Variants in ZNF709 observed in about 807,000 individuals in gnomAD.
ZNF709 encodes the protein zinc finger protein 709.
A neutral mutation model predicts 10.6 loss-of-function variants in ZNF709; 15 were observed. The observed-to-expected ratio is 1.41, with a 90% confidence interval of 0.95 to 2.18. ZNF709 has a LOEUF of 2.18. Among genes scored for constraint, ZNF709 ranks in the 30% most tolerant of loss-of-function variants. The probability of loss-of-function intolerance (pLI) is 0.00; values close to 1 mark genes in which losing one functional copy is unlikely to be tolerated. For synonymous variants in ZNF709, 194 were observed against 238.8 expected (o/e 0.81, Z 1.73); for missense variants, 589 against 774.0 (o/e 0.76, Z 2.84).
intron 1 of ZNF709, among the ~76,000 whole-genome samples, chr19:12,472,876 C>G (rs1970645390): frequency 6.6e-6 from 1 of 151,226 alleles, no homozygotes; most frequent in African/African-American, 2.4e-5. Flanking sequence ...GAGTGAGACT[C>G]TGTCTCAAAA....
intron 1 of ZNF709, among the ~76,000 whole-genome samples, chr19:12,472,799 C>A (rs1301873800): frequency 6.6e-6 from 1 of 151,794 alleles, no homozygotes; most frequent in Non-Finnish European, 1.5e-5. Context: ...ACGAGGATTG[C>A]TTGAGCATGG....
rs771058600 is a variant in ZNF709, at chr19:12,464,797, A to G, written c.1125T>C (p.Cys375=). The G allele has an allele frequency of 1.6e-5, 26 of 1,613,572 alleles. No individual in the cohort carries two copies. Among genetic ancestry groups the G allele is most frequent in the Non-Finnish European group, 2.0e-5 (24 of 1,179,790 alleles). Reference sequence around the variant, plus strand: ...GTTCATGGATTTGAAAAGAACTAGGACAATCAAAGGCTTTCCCACATTCCT... The same window carrying G: ...GTTCATGGATTTGAAAAGAACTAGGGCAATCAAAGGCTTTCCCACATTCCT... ...KCKECGKAFD[C]PSSFQIHERT... The change falls in exon 4 of 4, where the codon TGT becomes TGC. Residue 375 remains cysteine (C), a synonymous_variant. Coordinates refer to ENST00000397732, the MANE Select transcript of ZNF709 (RefSeq NM_152601.4).
chr19:12,484,674 T>C lies in ZNF709; in HGVS notation c.-17A>G. ...ACTTACCATTTCCCAGACTCTGGGA[T>C]GTCCTGGTGTTCTGTTTACCTCTCC... is the stretch of plus-strand genomic sequence containing the variant. On this transcript the variant is annotated 5_prime_UTR_variant, in exon 1 of 4. Coordinates refer to ENST00000397732, the MANE Select transcript of ZNF709 (RefSeq NM_152601.4). 6.2e-7 allele frequency: 1 copy of C among 1,613,984 alleles called. No individual in the cohort carries two copies. Among genetic ancestry groups the C allele is most frequent in the Non-Finnish European group, 8.5e-7 (1 of 1,179,932 alleles).
rs763139040 is a variant in ZNF709, at chr19:12,465,744, AAAAC to A, written c.189-15_189-12del. The stretch of plus-strand genomic sequence containing the variant: ...TCTACCATATGACTTCTGTGAGAAA[AAAAC>A]AAAACAAAACGCACAATTAGTGGCT... On this transcript the variant is annotated splice_polypyrimidine_tract_variant and intron_variant, in intron 3 of 3. Coordinates refer to ENST00000397732, the MANE Select transcript of ZNF709 (RefSeq NM_152601.4). The A allele has an allele frequency of 5.8e-5, 85 of 1,477,050 alleles. No homozygotes were observed. Among genetic ancestry groups the A allele is most frequent in the Non-Finnish European group, 7.0e-5 (78 of 1,119,250 alleles). The allele number at this position is 1,477,050 out of a possible 1,614,324, so 91.5% of individuals were successfully genotyped here.
rs930447266 is a variant in ZNF709, at chr19:12,465,609, T to C, written c.313A>G (p.Ser105Gly). The change falls in exon 4 of 4, where the codon AGT becomes GGT. Residue 105 changes from serine to glycine, a missense_variant. By Grantham distance (56) the Ser-to-Gly change is moderately conservative (BLOSUM62 0). Transcript: ENST00000397732. ...CACATATAGTCCTTTCCACACACAC[T>C]ACATTCATATGGTTTTACTCTAGTA... is the stretch of plus-strand genomic sequence containing the variant. ...TFTRVKPYECSVCGKDYMCHS... is the reference protein window; with the variant it reads ...TFTRVKPYECGVCGKDYMCHS... The C allele has an allele frequency of 1.2e-5, 20 of 1,613,816 alleles. No homozygotes were observed. The highest frequency in any genetic ancestry group is 1.5e-5 in the Non-Finnish European group (18 of 1,179,986).
chr19:12,484,452 TGACAA>T (rs1473974253), intron 1 of ZNF709, among the ~76,000 whole-genome samples, 198 bp downstream of exon 1: 2 of 152,272 alleles, frequency 1.3e-5, no homozygotes, highest in Admixed American at 6.5e-5. Context: ...CGCAGGGACT[TGACAA>T]GACGTCCGGG....
intron 1 of ZNF709, among the ~76,000 whole-genome samples, chr19:12,471,681 G>A (rs938675645): frequency 2.0e-5 from 3 of 152,180 alleles, no homozygotes; most frequent in Non-Finnish European, 4.4e-5. Flanking sequence ...ATTAATGATA[G>A]AGCAACCATT....
At chr19:12,474,563 G>A (rs749003929) in intron 1 of ZNF709, among the ~76,000 whole-genome samples, 1 of 152,202 alleles carries the variant, frequency 6.6e-6, no homozygotes, top group East Asian at 1.9e-4. Context: ...GCTGGATCAT[G>A]TAGCAATTCC....
At position 12,466,608 on chromosome 19, in the gene ZNF709, G is replaced by A. The variant is rs146015650; in HGVS notation, c.131-89C>T. On this transcript the variant is annotated intron_variant, in intron 2 of 3. Transcript: ENST00000397732. Reference sequence around the variant, plus strand: ...TAAATCTAGGATGAGCTGTTATCCTGTCTGATTTATTTACCAAAGTATTCC... The same window carrying A: ...TAAATCTAGGATGAGCTGTTATCCTATCTGATTTATTTACCAAAGTATTCC... The A allele has an allele frequency of 7.5e-4, 1,198 of 1,599,328 alleles. 6 individuals are homozygous for A. The African/African-American group carries it at 0.014, about 18-fold the overall frequency.
chr19:12,464,279 C>G lies in ZNF709; in HGVS notation c.1643G>C (p.Arg548Pro). The change falls in exon 4 of 4, where the codon CGA (arginine) becomes CCA (proline). Residue 548 changes from arginine (R) to proline (P), a missense_variant. Around this residue, in one of 2 missense-constraint regions of ZNF709, gnomAD observed 171 missense variants for 277.7 expected, o/e 0.62. Coordinates refer to ENST00000397732, the MANE Select transcript of ZNF709 (RefSeq NM_152601.4). ...GKAFSCSSSI[R>P]IHERTHTGEK... is the part of the protein sequence containing the mutation. Reference sequence around the variant, plus strand: ...TCCAGTGTGAGTCCTTTCATGTATTCGAATGGAACTGGAACAACTAAACGC... The same window carrying G: ...TCCAGTGTGAGTCCTTTCATGTATTGGAATGGAACTGGAACAACTAAACGC... 6.2e-7 allele frequency: 1 copy of G among 1,603,062 alleles called. No individual in the cohort carries two copies. The highest frequency in any genetic ancestry group is 8.5e-7 in the Non-Finnish European group (1 of 1,174,948).
chr19:12,463,556 A>G lies in ZNF709; in HGVS notation c.*440T>C, dbSNP rs1203614646. The G allele has an allele frequency of 6.5e-6, 1 of 153,104 alleles. No homozygotes were observed. The highest frequency in any genetic ancestry group is 1.5e-5 in the Non-Finnish European group (1 of 68,740). 9.5% of individuals were successfully genotyped at this position (153,104 alleles called of 1,614,324 possible). On this transcript the variant is annotated 3_prime_UTR_variant, in exon 4 of 4. Coordinates refer to ENST00000397732, the MANE Select transcript of ZNF709 (RefSeq NM_152601.4). ...TCCTGTCCAGTATGAATGCTTCCTC[A>G]TATTCACATGTAAATAACTGAAGGT...
At position 12,465,367 on chromosome 19, in the gene ZNF709, T is replaced by C; in HGVS notation, c.555A>G (p.Ile185Met). The C allele has an allele frequency of 6.2e-7, 1 of 1,613,656 alleles. No homozygotes were observed. Among genetic ancestry groups the C allele is most frequent in the Non-Finnish European group, 8.5e-7 (1 of 1,179,854 alleles). ...KAFSWPSSFQIHERTHTGEKP... is the reference protein window; with the variant it reads ...KAFSWPSSFQMHERTHTGEKP... ...TCTCTCCAGTATGAGTTCTTTCATG[T>C]ATTTGAAAGGAACTGGGCCAACTGA... The change falls in exon 4 of 4, where the codon ATA (isoleucine) becomes ATG (methionine). Residue 185 changes from isoleucine to methionine, a missense_variant. Around this residue, in one of 2 missense-constraint regions of ZNF709, gnomAD observed 418 missense variants for 496.3 expected, o/e 0.84. Coordinates refer to ENST00000397732, the MANE Select transcript of ZNF709 (RefSeq NM_152601.4).
intron 1 of ZNF709, among the ~76,000 whole-genome samples, chr19:12,470,755 G>A (rs1199216935): frequency 3.3e-5 from 5 of 151,978 alleles, no homozygotes; most frequent in African/African-American, 9.7e-5. Context: ...GTGAAACCCC[G>A]TCTGTACTGA....
At chr19:12,476,699 C>A (rs1379630699) in intron 1 of ZNF709, among the ~76,000 whole-genome samples, 1 of 152,120 alleles carries the variant, frequency 6.6e-6, no homozygotes, top group African/African-American at 2.4e-5. Context: ...ATCAAAAGAA[C>A]CTAGAAGATG....
chr19:12,467,191 G>A (rs1225059783), intron 1 of ZNF709, among the ~76,000 whole-genome samples: 4 of 152,304 alleles, frequency 2.6e-5, no homozygotes, highest in East Asian at 3.9e-4. Flanking sequence ...ATGCAGAGCC[G>A]AAGCTGGACT....
intron 1 of ZNF709, among the ~76,000 whole-genome samples, chr19:12,482,156 A>ACACACACACACACAC (rs1555694485): frequency 1.8e-4 from 23 of 128,450 alleles, no homozygotes; most frequent in Non-Finnish European, 1.9e-4. Context: ...CACACACACA[A>ACACACACACACACAC]ACACACACAC....
At chr19:12,476,857 AT>A (rs964661493) in intron 1 of ZNF709, among the ~76,000 whole-genome samples, 14 of 149,482 alleles carry the variant, frequency 9.4e-5, no homozygotes, top group South Asian at 4.2e-4. Context: ...TGTAAGCTCT[AT>A]TTTTTTTTTC....
Position 12,470,723 on chromosome 19 carries a change from C to T in ZNF709, c.4-3873G>A, listed in dbSNP as rs145356761. Among the ~76,000 whole-genome samples, 976 of 151,952 alleles carry T rather than the reference C, an allele frequency of 6.4e-3. 7 individuals carry two copies. The highest frequency in any genetic ancestry group is 0.023 in the African/African-American group (934 of 41,398). On this transcript the variant is annotated intron_variant, in intron 1 of 3. Coordinates refer to ENST00000397732, the MANE Select transcript of ZNF709 (RefSeq NM_152601.4). ...TGGGCGGATCACAAGGTCAGGAGAT[C>T]GAGACCATCCTGGCTAACACAGTGA...
intron 1 of ZNF709, among the ~76,000 whole-genome samples, chr19:12,468,091 G>A (rs1048333105): frequency 3.5e-4 from 52 of 149,272 alleles, no homozygotes; most frequent in Middle Eastern, 3.8e-3. Flanking sequence ...GCCCCCGCCC[G>A]GCCAGCCGCC....
Sources: allele counts gnomAD v4.1 joint callset (sites outside exome capture counted in the v4.1 genomes callset), GRCh38; gene constraint gnomAD v4.1.1; regional missense constraint gnomAD v4.1.1; transcripts MANE v1.5; gene names NCBI Gene and HGNC (gene_info 2026-07-23, HGNC 2026-07-21).